The following SMG6 variants were observed in gnomAD, a reference collection of about 807,000 sequenced individuals.
SMG6 encodes the protein SMG6 nonsense mediated mRNA decay factor, also known as telomerase-binding protein EST1A.
In SMG6, 66 loss-of-function variants were observed where a neutral mutation model predicts 142.2. The observed-to-expected ratio is 0.46, with a 90% CI of 0.38 to 0.57. The LOEUF is 0.57. SMG6 is among the 20% of genes least tolerant of loss of function. The pLI, the probability that SMG6 is intolerant of heterozygous loss-of-function variation, is 0.00. For synonymous variants in SMG6, 779 were observed against 702.4 expected (o/e 1.11, Z -1.72); for missense variants, 1,793 against 1,832.0 (o/e 0.98, Z 0.39).
chr17:2,253,390 G>T (rs376612064), intron 8 of SMG6, among the ~76,000 whole-genome samples: 114 of 151,964 alleles, frequency 7.5e-4, no homozygotes, highest in Non-Finnish European at 1.5e-3. Context: ...TGATCCGCCC[G>T]CCTCGGTCTC....
Position 2,134,419 on chromosome 17 carries a change from CA to C in SMG6, c.3357+38238del, listed in dbSNP as rs58429166. ...GGGCGATAAGAGCGAGACTCCATCT[CA>C]AAAAAAAAAAAAAAAAAAAAAAAAA... On this transcript the variant is annotated intron_variant, in intron 13 of 18. Transcript: ENST00000263073. Among the ~76,000 whole-genome samples, 16 of 28,722 alleles carry C rather than the reference CA, an allele frequency of 5.6e-4. No homozygotes were observed. In the South Asian group the frequency reaches 9.9e-3, roughly 18 times the overall value. The allele number at this position is 28,722 out of a possible 152,430, so 18.8% of individuals were successfully genotyped here. A position where few individuals can be genotyped will look rare whatever the true frequency, so the allele number is the denominator to read the frequency against.
chr17:2,230,399 A>G (rs1321495640), intron 10 of SMG6, among the ~76,000 whole-genome samples: 1 of 150,478 alleles, frequency 6.6e-6, no homozygotes, highest in East Asian at 1.9e-4. Flanking sequence ...AAATCTGGGC[A>G]ACATGGGATA....
At chr17:2,281,171 G>A (rs1197955477) in intron 8 of SMG6, among the ~76,000 whole-genome samples, 1 of 152,104 alleles carries the variant, frequency 6.6e-6, no homozygotes. Flanking sequence ...ACAGGGTCTT[G>A]CTCTGGCACC....
chr17:2,272,095 G>A (rs1380476318), intron 8 of SMG6, among the ~76,000 whole-genome samples: 7 of 152,170 alleles, frequency 4.6e-5, no homozygotes, highest in African/African-American at 1.4e-4. Context: ...CCTCCCAAGT[G>A]CACACCATGG....
At chr17:2,283,531 C>A in intron 7 of SMG6, 94 bp downstream of exon 7, 1 of 990,150 alleles carries the variant, frequency 1.0e-6, no homozygotes, top group Non-Finnish European at 1.6e-6. Flanking sequence ...ACCTCACTGG[C>A]TACGATCCTG....
chr17:2,245,244 T>C lies in SMG6; in HGVS notation c.2662-525A>G, dbSNP rs78771865. ...GCTTTAAAAACTAGAGTTCATGTTCTAGGTCTGGAGTTGAAAATTCAAGTG... is the reference window on the plus strand; with the variant it reads ...GCTTTAAAAACTAGAGTTCATGTTCCAGGTCTGGAGTTGAAAATTCAAGTG... On this transcript the variant is annotated intron_variant, in intron 8 of 18. Coordinates refer to ENST00000263073, the MANE Select transcript of SMG6 (RefSeq NM_017575.5). Among the ~76,000 whole-genome samples the C allele has an allele frequency of 1.1e-3, 174 of 152,330 alleles. 2 individuals are homozygous for C. The East Asian group carries it at 0.014, about 12-fold the overall frequency.
intron 10 of SMG6, among the ~76,000 whole-genome samples, chr17:2,204,823 C>T (rs545427180): frequency 2.6e-5 from 4 of 152,170 alleles, no homozygotes; most frequent in South Asian, 2.1e-4. Flanking sequence ...ATGAGCCAGA[C>T]GTAGTGGCAC....
At chr17:2,263,091 G>A (rs1051069233) in intron 8 of SMG6, among the ~76,000 whole-genome samples, 4 of 152,140 alleles carry the variant, frequency 2.6e-5, no homozygotes, top group Non-Finnish European at 2.9e-5. Flanking sequence ...GTAAGGTCAC[G>A]ACCGAAGATA....
Position 2,175,889 on chromosome 17 carries a change from G to A in SMG6, c.3156-3030C>T, listed in dbSNP as rs556536931. 2.6e-5 allele frequency among the ~76,000 whole-genome samples: 4 copies of A among 152,258 alleles called. No homozygotes were observed. In the South Asian group the frequency reaches 8.3e-4, roughly 32 times the overall value. Reference sequence around the variant, plus strand: ...GTAGCTGCCTTCTTCTGGTGTTTCAGTGGGATCACCCAAACTCAGTTCACA... The same window carrying A: ...GTAGCTGCCTTCTTCTGGTGTTTCAATGGGATCACCCAAACTCAGTTCACA... On this transcript the variant is annotated intron_variant, in intron 12 of 18. Coordinates refer to ENST00000263073, the MANE Select transcript of SMG6 (RefSeq NM_017575.5).
Position 2,297,223 on chromosome 17 carries a change from A to T in SMG6, c.2151+20T>A. The T allele has an allele frequency of 6.5e-7, 1 of 1,541,782 alleles. No individual in the cohort carries two copies. The highest frequency in any genetic ancestry group is 8.9e-7 in the Non-Finnish European group (1 of 1,128,882). On this transcript the variant is annotated intron_variant, in intron 4 of 18. Transcript: ENST00000263073. ...TACGAAATGAATGAAAATTTAAGAT[A>T]CATAAAGAAGGTAGCTTACTGTCTT...
At chr17:2,258,457 C>T (rs1048805085) in intron 8 of SMG6, among the ~76,000 whole-genome samples, 5 of 151,120 alleles carry the variant, frequency 3.3e-5, no homozygotes, top group Non-Finnish European at 4.4e-5. Flanking sequence ...ACTGGGGAGA[C>T]TGAGGCAGGA....
At position 2,266,650 on chromosome 17, in the gene SMG6, T is replaced by C. The variant is rs1228548235; in HGVS notation, c.2661+15997A>G. On this transcript the variant is annotated intron_variant, in intron 8 of 18. Coordinates refer to ENST00000263073, the MANE Select transcript of SMG6 (RefSeq NM_017575.5). ...CTCTGTTTCTTCCCCCAGAGAACTC[T>C]GCTCTGTTAGAGGAAAGAAACCAAC... is the stretch of plus-strand genomic sequence containing the variant. 2.0e-5 allele frequency among the ~76,000 whole-genome samples: 3 copies of C among 152,186 alleles called. No homozygotes were observed. In the East Asian group the frequency reaches 5.8e-4, roughly 29 times the overall value.
intron 9 of SMG6, among the ~76,000 whole-genome samples, chr17:2,241,224 C>A (rs1205169939): frequency 6.6e-6 from 1 of 152,092 alleles, no homozygotes; most frequent in African/African-American, 2.4e-5. Flanking sequence ...TAAAAGAGAT[C>A]CTGAAAAATA....
At chr17:2,081,100 A>G (rs552609724) in intron 15 of SMG6, among the ~76,000 whole-genome samples, 1 of 152,316 alleles carries the variant, frequency 6.6e-6, no homozygotes, top group Non-Finnish European at 1.5e-5. Context: ...GCATCCTTAA[A>G]GAAGCGGAGT....
Position 2,236,653 on chromosome 17 carries a change from A to AC in SMG6, c.2724-17dup. On this transcript the variant is annotated splice_polypyrimidine_tract_variant and intron_variant, in intron 9 of 18. Transcript: ENST00000263073. The stretch of plus-strand genomic sequence containing the variant: ...TGTCTCCATCCTGCAGATTCAGAAA[A>AC]CCCATCAATGAGGCACCTCTCTCTT... 1.9e-6 allele frequency: 3 copies of AC among 1,602,866 alleles called. No homozygotes were observed. The South Asian group carries it at 3.3e-5, about 18-fold the overall frequency.
intron 13 of SMG6, chr17:2,088,111 C>T: frequency 2.0e-6 from 2 of 985,454 alleles, no homozygotes; most frequent in Non-Finnish European, 2.4e-6. Context: ...GGTACACTGG[C>T]ACCCCTGCTA....
chr17:2,281,466 C>G (rs1325670221), intron 8 of SMG6, among the ~76,000 whole-genome samples: 1 of 152,140 alleles, frequency 6.6e-6, no homozygotes, highest in Non-Finnish European at 1.5e-5. Context: ...CACGTTCAAC[C>G]AAGTCTTTTG....
rs1161468068 is a variant in SMG6 at position 2,159,002 on chromosome 17, T to C, written c.3357+13656A>G. Among the ~76,000 whole-genome samples, 12 of 151,234 alleles carry C rather than the reference T, an allele frequency of 7.9e-5. No homozygotes were observed. In the East Asian group the frequency reaches 1.6e-3, roughly 20 times the overall value. Reference sequence around the variant, plus strand: ...GTCAAGAATATTTGAAGAACTCTTATAACTCAATAAGAAAACACCCCAATG... The same window carrying C: ...GTCAAGAATATTTGAAGAACTCTTACAACTCAATAAGAAAACACCCCAATG... On this transcript the variant is annotated intron_variant, in intron 13 of 18. Coordinates refer to ENST00000263073, the MANE Select transcript of SMG6 (RefSeq NM_017575.5).
chr17:2,067,865 C>T (rs773724314), intron 16 of SMG6, among the ~76,000 whole-genome samples: 33 of 152,196 alleles, frequency 2.2e-4, no homozygotes, highest in Non-Finnish European at 4.1e-4. Flanking sequence ...AATGGAACAT[C>T]TTGGCATGGA....
Sources: allele counts gnomAD v4.1 joint callset (sites outside exome capture counted in the v4.1 genomes callset), GRCh38; gene constraint gnomAD v4.1.1; transcripts MANE v1.5; gene names NCBI Gene and HGNC (gene_info 2026-07-23, HGNC 2026-07-21).